The following ROBO2 variants were observed in gnomAD, a reference collection of about 807,000 sequenced individuals.
ROBO2 encodes roundabout guidance receptor 2.
A neutral mutation model predicts 160.8 loss-of-function variants in ROBO2; 53 were observed. That is an observed-to-expected ratio of 0.33 (90% CI 0.26 to 0.41). The LOEUF (loss-of-function observed/expected upper bound fraction) is 0.41. Ranked by LOEUF, ROBO2 falls within the 10% of genes least tolerant of loss-of-function variation. ROBO2 has a pLI of 1.00. For missense variants in ROBO2, 1,577 were observed against 1,722.4 expected (o/e 0.92, Z 1.49); for synonymous variants, 664 against 611.7 (o/e 1.09, Z -1.26).
chr3:76,149,639 A>T (rs1322921430), intron 2 of ROBO2, among the ~76,000 whole-genome samples: 1 of 129,344 alleles, frequency 7.7e-6, no homozygotes, highest in Non-Finnish European at 1.8e-5. Flanking sequence ...TAAAGCACAC[A>T]TCTGTCTAAA....
At chr3:77,102,133 G>A (rs1269411801) in intron 2 of ROBO2, among the ~76,000 whole-genome samples, 3 of 152,192 alleles carry the variant, frequency 2.0e-5, no homozygotes, top group Non-Finnish European at 4.4e-5. Context: ...TCCAGTGATG[G>A]GGACAGAACA....
At chr3:77,078,473 T>A (rs1046033135) in intron 1 of ROBO2, among the ~76,000 whole-genome samples, 2 of 152,168 alleles carry the variant, frequency 1.3e-5, no homozygotes, top group Non-Finnish European at 2.9e-5. Context: ...TGAGACTGGT[T>A]CTCAAATTTC....
intron 2 of ROBO2, among the ~76,000 whole-genome samples, chr3:76,232,839 T>C (rs896590643): frequency 2.6e-5 from 4 of 152,258 alleles, no homozygotes; most frequent in South Asian, 2.1e-4. Context: ...TCCCTCCCAC[T>C]CCACCACCAC....
At chr3:77,579,017 A>G (rs979486628) in intron 15 of ROBO2, among the ~76,000 whole-genome samples, 2 of 152,154 alleles carry the variant, frequency 1.3e-5, no homozygotes, top group Non-Finnish European at 2.9e-5. Flanking sequence ...CCATATATCA[A>G]TAAAAGAAAC....
chr3:77,386,103 C>G (rs929365691), intron 2 of ROBO2, among the ~76,000 whole-genome samples: 1 of 152,098 alleles, frequency 6.6e-6, no homozygotes, highest in African/African-American at 2.4e-5. Context: ...ACATCCACTG[C>G]GTACTGTGCT....
In ROBO2 at chr3:76,114,559, TA is replaced by T. The variant is rs571937508; in HGVS notation, c.109+176959del. On this transcript the variant is annotated intron_variant, in intron 2 of 26. Coordinates refer to the ROBO2 transcript ENST00000487694. ...ATGTACTTTACAGAAGGCCCTGATA[TA>T]ATTATTATCATTATCTTTAAAGATG... is the stretch of plus-strand genomic sequence containing the variant. 5.3e-5 allele frequency among the ~76,000 whole-genome samples: 8 copies of T among 152,262 alleles called. No individual in the cohort carries two copies. The South Asian group carries it at 1.4e-3, about 28-fold the overall frequency.
intron 2 of ROBO2, among the ~76,000 whole-genome samples, chr3:76,014,043 C>T (rs2066308900): frequency 6.7e-6 from 1 of 149,280 alleles, no homozygotes; most frequent in South Asian, 2.1e-4. Flanking sequence ...TGTATAAAGG[C>T]AATTGGTGGC....
At chr3:76,501,719 A>T (rs939821454) in intron 2 of ROBO2, among the ~76,000 whole-genome samples, 6 of 152,190 alleles carry the variant, frequency 3.9e-5, no homozygotes, top group Non-Finnish European at 5.9e-5. Flanking sequence ...AATGAAACAG[A>T]TTTAATTAGA....
At chr3:75,932,891 A>G (rs538181174) in intron 1 of ROBO2, among the ~76,000 whole-genome samples, 1 of 152,310 alleles carries the variant, frequency 6.6e-6, no homozygotes, top group Non-Finnish European at 1.5e-5. Flanking sequence ...TCTAAGTTTT[A>G]TCTTATTAAA....
At chr3:76,202,788 T>C (rs2107263712) in intron 2 of ROBO2, among the ~76,000 whole-genome samples, 1 of 151,314 alleles carries the variant, frequency 6.6e-6, no homozygotes, top group East Asian at 1.9e-4. Context: ...AAAAAGACAG[T>C]ACATTTCCAT....
chr3:77,391,754 T>G (rs757025069), intron 2 of ROBO2, among the ~76,000 whole-genome samples: 7 of 152,100 alleles, frequency 4.6e-5, no homozygotes, highest in Non-Finnish European at 1.0e-4. Context: ...AGACGAGGCC[T>G]CATTATGTTG....
chr3:76,520,833 T>A (rs1208007215), intron 2 of ROBO2, among the ~76,000 whole-genome samples: 2 of 152,156 alleles, frequency 1.3e-5, no homozygotes, highest in Non-Finnish European at 2.9e-5. Flanking sequence ...TTTTGAATTT[T>A]AAAAAGGGCC....
chr3:76,128,178 G>C (rs1264670232), intron 2 of ROBO2, among the ~76,000 whole-genome samples: 2 of 152,046 alleles, frequency 1.3e-5, no homozygotes, highest in African/African-American at 2.4e-5. Flanking sequence ...ACAAGCATGA[G>C]CCACCGCACC....
At chr3:77,013,094 A>G (rs894867930) in intron 2 of ROBO2, among the ~76,000 whole-genome samples, 1 of 152,194 alleles carries the variant, frequency 6.6e-6, no homozygotes, top group African/African-American at 2.4e-5. Flanking sequence ...AGAGAAAGAA[A>G]TATAAATTTC....
chr3:77,119,100 C>T (rs1043366087), intron 2 of ROBO2, among the ~76,000 whole-genome samples: 1 of 152,088 alleles, frequency 6.6e-6, no homozygotes, highest in Non-Finnish European at 1.5e-5. Context: ...TTAGCACTTC[C>T]CCCTTGCTCT....
intron 2 of ROBO2, among the ~76,000 whole-genome samples, chr3:76,212,843 C>CCTCTCTCT (rs113091456): frequency 0.024 from 3,575 of 149,126 alleles, 106 homozygotes; most frequent in African/African-American, 0.065. Flanking sequence ...ACCCATGGAG[C>CCTCTCTCT]CTCTCTCTCT....
intron 2 of ROBO2, among the ~76,000 whole-genome samples, chr3:76,470,991 G>T (rs2078624426): frequency 6.7e-6 from 1 of 148,876 alleles, no homozygotes; most frequent in African/African-American, 2.6e-5. Flanking sequence ...TCTTCTACAA[G>T]ATGTTTTGTA....
At chr3:75,931,807 C>T (rs977096851) in intron 1 of ROBO2, among the ~76,000 whole-genome samples, 1 of 151,996 alleles carries the variant, frequency 6.6e-6, no homozygotes, top group Non-Finnish European at 1.5e-5. Flanking sequence ...AATCTCTTCT[C>T]TTTTCTTAGT....
intron 2 of ROBO2, among the ~76,000 whole-genome samples, chr3:77,386,174 A>G (rs542768956): frequency 1.8e-4 from 27 of 152,314 alleles, no homozygotes; most frequent in Admixed American, 1.5e-3. Flanking sequence ...GTGCATATTA[A>G]TATTATCTCA....
Sources: allele counts gnomAD v4.1 joint callset (sites outside exome capture counted in the v4.1 genomes callset), GRCh38; gene constraint gnomAD v4.1.1; transcripts MANE v1.5; gene names NCBI Gene and HGNC (gene_info 2026-07-23, HGNC 2026-07-21).